The following COTL1 variants were observed in gnomAD, a reference collection of about 807,000 sequenced individuals.
COTL1 encodes coactosin like F-actin binding protein 1, also known as coactosin-like protein.
In COTL1, 15 loss-of-function variants were observed where a neutral mutation model predicts 16.5. That is an observed-to-expected ratio of 0.91 (90% CI 0.61 to 1.40). The LOEUF (loss-of-function observed/expected upper bound fraction) is 1.40, where lower values mean the gene tolerates loss of function less well. Among genes scored for constraint, COTL1 ranks in the 40% most tolerant of loss-of-function variants. The probability of loss-of-function intolerance (pLI) is 0.00; values close to 1 mark genes in which losing one functional copy is unlikely to be tolerated. For synonymous variants in COTL1, 112 were observed against 85.3 expected (o/e 1.31, Z -1.73); for missense variants, 220 against 201.5 (o/e 1.09, Z -0.56).
rs1287484623 is a variant in COTL1 at position 84,566,226 on chromosome 16, C to G, written c.*619G>C. ...TGAGCCGGACCTAACCTTCTCACCA[C>G]CGAGCAATCCTGCCTATGCTGGACA... is the stretch of plus-strand genomic sequence containing the variant. On this transcript the variant is annotated 3_prime_UTR_variant, in exon 4 of 4. Coordinates refer to ENST00000262428, the MANE Select transcript of COTL1 (RefSeq NM_021149.5). 6.5e-6 allele frequency: 1 copy of G among 152,744 alleles called. No individual in the cohort carries two copies. The highest frequency in any genetic ancestry group is 2.4e-5 in the African/African-American group (1 of 41,452). The allele number at this position is 152,744 out of a possible 1,614,324, so 9.5% of individuals were successfully genotyped here. A position where few individuals can be genotyped will look rare whatever the true frequency, so the allele number is the denominator to read the frequency against.
intron 2 of COTL1, among the ~76,000 whole-genome samples, chr16:84,613,149 G>T (rs1415098693): frequency 6.6e-6 from 1 of 151,952 alleles, no homozygotes; most frequent in East Asian, 1.9e-4. Context: ...ATAGGCGCCG[G>T]CCACCATGCC....
At position 84,610,843 on chromosome 16, in the gene COTL1, G is replaced by A. The variant is rs1481006302; in HGVS notation, c.160+6658C>T. 2.7e-5 allele frequency among the ~76,000 whole-genome samples: 4 copies of A among 148,080 alleles called. No individual in the cohort carries two copies. In the Admixed American group the frequency reaches 2.7e-4, roughly 10 times the overall value. ...CCACCCAGACCATCATCCAACAAAT[G>A]TCACAGGGCACCTGCCTCCAACCAA... is the stretch of plus-strand genomic sequence containing the variant. On this transcript the variant is annotated intron_variant, in intron 2 of 3. Coordinates refer to ENST00000262428, the MANE Select transcript of COTL1 (RefSeq NM_021149.5).
chr16:84,581,919 ATT>A (rs1463355783), intron 3 of COTL1, among the ~76,000 whole-genome samples: 1 of 151,572 alleles, frequency 6.6e-6, no homozygotes, highest in African/African-American at 2.4e-5. Flanking sequence ...GTTACTGAGC[ATT>A]TATAAGCTTC....
chr16:84,593,885 C>G (rs950497184), intron 2 of COTL1, among the ~76,000 whole-genome samples: 3 of 152,212 alleles, frequency 2.0e-5, no homozygotes, highest in African/African-American at 7.2e-5. Context: ...AATTTCACCA[C>G]TCCAACGAGA....
chr16:84,598,815 C>A (rs1316392193), intron 2 of COTL1, among the ~76,000 whole-genome samples: 1 of 29,770 alleles, frequency 3.4e-5, no homozygotes, highest in African/African-American at 9.1e-5. Flanking sequence ...GGGGACCAAG[C>A]GGCAGGGGTG....
At chr16:84,601,327 T>C (rs1201989049) in intron 2 of COTL1, among the ~76,000 whole-genome samples, 1 of 152,140 alleles carries the variant, frequency 6.6e-6, no homozygotes, top group East Asian at 1.9e-4. Flanking sequence ...GTGAATACCA[T>C]GAAATTACTG....
chr16:84,586,168 C>A (rs539894973), intron 3 of COTL1, among the ~76,000 whole-genome samples: 1 of 152,262 alleles, frequency 6.6e-6, no homozygotes, highest in African/African-American at 2.4e-5. Context: ...TGACGCCAAC[C>A]CCAGAGAAAA....
chr16:84,569,628 C>A (rs966896428), intron 3 of COTL1, among the ~76,000 whole-genome samples: 2 of 152,156 alleles, frequency 1.3e-5, no homozygotes, highest in African/African-American at 4.8e-5. Flanking sequence ...AGATAAGACT[C>A]ATGGGCTGGG....
At chr16:84,591,226 C>A (rs1904853056) in intron 2 of COTL1, among the ~76,000 whole-genome samples, 1 of 150,938 alleles carries the variant, frequency 6.6e-6, no homozygotes, top group Admixed American at 6.6e-5. Context: ...CTCTGTCGCC[C>A]AGGCTGAAGT....
intron 3 of COTL1, among the ~76,000 whole-genome samples, chr16:84,583,585 T>G (rs1904650186): frequency 6.6e-6 from 1 of 151,872 alleles, no homozygotes; most frequent in South Asian, 2.1e-4. Flanking sequence ...GACTCCTGAG[T>G]AGCTGGGACA....
At chr16:84,603,628 C>T (rs566526144) in intron 2 of COTL1, among the ~76,000 whole-genome samples, 14 of 152,176 alleles carry the variant, frequency 9.2e-5, no homozygotes, top group East Asian at 5.8e-4. Context: ...TTGGGACCAA[C>T]GGTGACAATG....
At chr16:84,567,381 G>A (rs1904303483) in intron 3 of COTL1, 1 of 157,562 alleles carries the variant, frequency 6.3e-6, no homozygotes, top group Non-Finnish European at 1.4e-5. Flanking sequence ...CCAAAAAAAA[G>A]AAAAGGACAA....
intron 2 of COTL1, among the ~76,000 whole-genome samples, chr16:84,597,568 G>A (rs1412076716): frequency 6.6e-6 from 1 of 152,122 alleles, no homozygotes; most frequent in Non-Finnish European, 1.5e-5. Flanking sequence ...AACTGTGCTC[G>A]AATGAGCCCC....
intron 2 of COTL1, chr16:84,616,435 G>C (rs1220489145): frequency 7.2e-5 from 11 of 152,068 alleles, no homozygotes; most frequent in Admixed American, 7.2e-4. Flanking sequence ...CCCGGGAGAC[G>C]GAGGTTGCAG....
chr16:84,580,490 A>G (rs28675376), intron 3 of COTL1, among the ~76,000 whole-genome samples: 33,906 of 152,060 alleles, frequency 0.22, 3,963 homozygotes, highest in Non-Finnish European at 0.27. Context: ...GGCTCAAGCA[A>G]TCCTCCCACT....
chr16:84,606,863 C>T (rs954258145), intron 2 of COTL1, among the ~76,000 whole-genome samples: 3 of 152,154 alleles, frequency 2.0e-5, no homozygotes, highest in African/African-American at 7.2e-5. Context: ...GGATTCTGTC[C>T]CAGGCGCCTA....
rs187683483 is a variant in COTL1 at position 84,610,771 on chromosome 16, T to G, written c.160+6730A>C. ...CTCTACATCTCTCTCTGTGGTGTTT[T>G]GGGTTAAACACTACTGGCTGACCAG... On this transcript the variant is annotated intron_variant, in intron 2 of 3. Transcript: ENST00000262428. Among the ~76,000 whole-genome samples the G allele has an allele frequency of 2.6e-5, 4 of 152,210 alleles. No individual in the cohort carries two copies. The East Asian group carries it at 7.7e-4, about 29-fold the overall frequency.
At chr16:84,570,909 G>T (rs1391015333) in intron 3 of COTL1, among the ~76,000 whole-genome samples, 5 of 151,510 alleles carry the variant, frequency 3.3e-5, no homozygotes, top group Non-Finnish European at 5.9e-5. Flanking sequence ...TATCCTCAGG[G>T]GAACACAGAG....
At chr16:84,569,439 G>A (rs934165) in intron 3 of COTL1, among the ~76,000 whole-genome samples, 188 of 152,172 alleles carry the variant, frequency 1.2e-3, no homozygotes, top group Non-Finnish European at 2.3e-3. Context: ...GGAGCATCCC[G>A]AAGTCAAGCT....
Sources: gnomAD v4.1 joint callset for allele counts (sites outside exome capture counted in the v4.1 genomes callset) on GRCh38, gnomAD v4.1.1 for gene constraint, MANE v1.5 for transcripts, NCBI Gene and HGNC (gene_info 2026-07-23, HGNC 2026-07-21) for gene names.